MGAT5: variants seen among roughly 807,000 people sequenced by gnomAD.
MGAT5 encodes the protein alpha-1,6-mannosylglycoprotein 6-beta-N-acetylglucosaminyltransferase A.
Under a neutral mutation model 94.3 loss-of-function variants are expected in MGAT5, and 30 were observed. That is an observed-to-expected ratio of 0.32 (90% CI 0.24 to 0.43). The LOEUF (loss-of-function observed/expected upper bound fraction) is 0.43, where lower values mean the gene tolerates loss of function less well. Among genes scored for constraint, MGAT5 ranks in the 20% least tolerant of loss-of-function variants. The pLI, the probability that MGAT5 is intolerant of heterozygous loss-of-function variation, is 1.00. For synonymous variants in MGAT5, 310 were observed against 322.9 expected (o/e 0.96, Z 0.43); for missense variants, 691 against 905.5 (o/e 0.76, Z 3.04).
rs536125497 is a variant in MGAT5, at chr2:134,273,032, T to C, written c.406+2482T>C. ...GTCTGTGTGTGTGTGCGCGCGCGCG[T>C]GCGCGTGCATGCATGCAGAGGCATC... On this transcript the variant is annotated intron_variant, in intron 2 of 15. Transcript: ENST00000281923. Among the ~76,000 whole-genome samples the C allele has an allele frequency of 4.7e-3, 586 of 123,800 alleles. 4 individuals carry two copies. The highest frequency in any genetic ancestry group is 4.5e-3 in the Non-Finnish European group (265 of 59,148). 81.2% of individuals were successfully genotyped at this position (123,800 alleles called of 152,430 possible).
chr2:134,204,000 A>G (rs1679917749), intron 1 of MGAT5, among the ~76,000 whole-genome samples: 1 of 152,222 alleles, frequency 6.6e-6, no homozygotes. Flanking sequence ...GTTATCATAC[A>G]TGGGCAAAGA....
At position 134,454,161 on chromosome 2, in the gene MGAT5, C is replaced by CTGT. The variant is rs894740793; in HGVS notation, c.*5317_*5319dup. 2.0e-5 allele frequency: 3 copies of CTGT among 152,320 alleles called. No individual in the cohort carries two copies. Among genetic ancestry groups the CTGT allele is most frequent in the African/African-American group, 7.2e-5 (3 of 41,440 alleles). The allele number at this position is 152,320 out of a possible 1,614,324, so 9.4% of individuals were successfully genotyped here. A position where few individuals can be genotyped will look rare whatever the true frequency, so the allele number is the denominator to read the frequency against. On this transcript the variant is annotated 3_prime_UTR_variant, in exon 16 of 16. Coordinates refer to ENST00000281923, the MANE Select transcript of MGAT5 (RefSeq NM_002410.5). ...TGTGCTTATGTGGTGGGCAGGGCCA[C>CTGT]TGTTGATGGAGGATGGCGGGGACGG...
chr2:134,375,602 C>T (rs918142633), intron 10 of MGAT5, among the ~76,000 whole-genome samples: 15 of 152,178 alleles, frequency 9.9e-5, no homozygotes, highest in African/African-American at 3.4e-4. Context: ...AACTTACTTG[C>T]GTATCAGGAC....
At chr2:134,397,952 A>T (rs1352221723) in intron 10 of MGAT5, among the ~76,000 whole-genome samples, 1 of 152,034 alleles carries the variant, frequency 6.6e-6, no homozygotes. Context: ...GTCAATGCAT[A>T]CTCTGTGGCC....
intron 2 of MGAT5, among the ~76,000 whole-genome samples, chr2:134,315,906 A>G (rs536967931): frequency 3.3e-5 from 5 of 152,328 alleles, no homozygotes; most frequent in Admixed American, 1.3e-4. Context: ...TTGGTGACAC[A>G]CTATCAAAAT....
At chr2:134,293,051 G>A (rs13014122) in intron 2 of MGAT5, among the ~76,000 whole-genome samples, 37,322 of 152,146 alleles carry the variant, frequency 0.25, 4,932 homozygotes, top group Middle Eastern at 0.55. Context: ...CCTCCAGGGA[G>A]TGTGGGTCCT....
intron 1 of MGAT5, among the ~76,000 whole-genome samples, chr2:134,140,202 C>G (rs1686596146): frequency 6.6e-6 from 1 of 152,164 alleles, no homozygotes; most frequent in Non-Finnish European, 1.5e-5. Flanking sequence ...ATAGGAGAAC[C>G]ACTGGCTACA....
chr2:134,293,778 TAG>T (rs1685512569), intron 2 of MGAT5, among the ~76,000 whole-genome samples: 1 of 152,166 alleles, frequency 6.6e-6, no homozygotes, highest in African/African-American at 2.4e-5. Flanking sequence ...TGGAAAACTA[TAG>T]ATTTTGATAG....
At chr2:134,377,394 C>A (rs112429054) in intron 10 of MGAT5, among the ~76,000 whole-genome samples, 68 of 152,328 alleles carry the variant, frequency 4.5e-4, no homozygotes, top group African/African-American at 1.6e-3. Flanking sequence ...CCTAAAGCTT[C>A]CCTTCCTCTG....
intron 10 of MGAT5, among the ~76,000 whole-genome samples, chr2:134,383,743 G>T (rs1356069893): frequency 6.7e-6 from 1 of 149,606 alleles, no homozygotes; most frequent in African/African-American, 2.5e-5. Flanking sequence ...TCACTGTGTC[G>T]CCCAGGCTGG....
chr2:134,446,249 C>T (rs1034574272), intron 15 of MGAT5, among the ~76,000 whole-genome samples: 1 of 152,022 alleles, frequency 6.6e-6, no homozygotes, highest in African/African-American at 2.4e-5. Context: ...GCTTCTACCC[C>T]GGGAGATGGT....
At chr2:134,261,508 C>T (rs1683332859) in intron 1 of MGAT5, among the ~76,000 whole-genome samples, 1 of 152,146 alleles carries the variant, frequency 6.6e-6, no homozygotes, top group African/African-American at 2.4e-5. Context: ...TCTCCCCCAC[C>T]CCTTCCTCTC....
intron 9 of MGAT5, among the ~76,000 whole-genome samples, chr2:134,360,724 AAGG>A (rs1680033096): frequency 6.6e-6 from 1 of 152,186 alleles, no homozygotes; most frequent in Non-Finnish European, 1.5e-5. Flanking sequence ...AGCTTCTCAA[AAGG>A]GGGGAGAAAA....
chr2:134,285,912 T>C lies in MGAT5; in HGVS notation c.406+15362T>C, dbSNP rs1478228867. ...GGGGTCAAATTTAGTGGTCAGTGCT[T>C]ACTTTATAAGGACACTGCTTAGCCA... On this transcript the variant is annotated intron_variant, in intron 2 of 15. Transcript: ENST00000281923. Among the ~76,000 whole-genome samples the C allele has an allele frequency of 2.0e-5, 3 of 152,192 alleles. No homozygotes were observed. The East Asian group carries it at 5.8e-4, about 29-fold the overall frequency.
At chr2:134,434,786 C>G (rs972169753) in intron 14 of MGAT5, among the ~76,000 whole-genome samples, 1 of 152,176 alleles carries the variant, frequency 6.6e-6, no homozygotes, top group Non-Finnish European at 1.5e-5. Context: ...TGCAAGTGGC[C>G]TGCGCATCCT....
intron 1 of MGAT5, among the ~76,000 whole-genome samples, chr2:134,140,840 A>C (rs1446034114): frequency 6.6e-6 from 1 of 152,240 alleles, no homozygotes; most frequent in Non-Finnish European, 1.5e-5. Context: ...GGAGAGGTTA[A>C]GTAATTTGCC....
intron 1 of MGAT5, chr2:134,127,078 T>C (rs1395916028): frequency 6.5e-6 from 1 of 154,778 alleles, no homozygotes. Context: ...TATACTTCCT[T>C]CGTCCCCTTT....
intron 1 of MGAT5, among the ~76,000 whole-genome samples, chr2:134,174,245 C>G (rs1185657599): frequency 6.6e-6 from 1 of 152,200 alleles, no homozygotes; most frequent in Non-Finnish European, 1.5e-5. Context: ...TTTCTTAAGA[C>G]ATAACTGGAA....
chr2:134,170,543 T>C (rs1348953914), intron 1 of MGAT5, among the ~76,000 whole-genome samples: 2 of 152,218 alleles, frequency 1.3e-5, no homozygotes, highest in Non-Finnish European at 2.9e-5. Flanking sequence ...AGGAATTGGC[T>C]TCGTTTGGAT....
Sources: gnomAD v4.1 joint callset for allele counts (sites outside exome capture counted in the v4.1 genomes callset) on GRCh38, gnomAD v4.1.1 for gene constraint, MANE v1.5 for transcripts, NCBI Gene and HGNC (gene_info 2026-07-23, HGNC 2026-07-21) for gene names.